The following CTIF variants were observed in gnomAD, a reference collection of about 807,000 sequenced individuals.
CTIF encodes the protein cap binding complex dependent translation initiation factor, also known as CBP80/20-dependent translation initiation factor.
In CTIF, 21 loss-of-function variants were observed where a neutral mutation model predicts 66.0. The ratio of observed to expected loss-of-function variants is 0.32; its 90% CI spans 0.23 to 0.46. The LOEUF is 0.46. CTIF is among the 20% of genes least tolerant of loss of function. The pLI, the probability that CTIF is intolerant of heterozygous loss-of-function variation, is 1.00. For synonymous variants in CTIF, 345 were observed against 326.4 expected, an observed-to-expected ratio of 1.06 and a Z score of -0.62; for missense variants, 739 against 812.7, an observed-to-expected ratio of 0.91 and a Z score of 1.10.
chr18:48,629,716 G>C (rs299713), intron 2 of CTIF, among the ~76,000 whole-genome samples: 38,961 of 151,658 alleles, frequency 0.26, 5,295 homozygotes, highest in African/African-American at 0.34. Context: ...TTTTTCCTGG[G>C]TCTTTGAATG....
intron 7 of CTIF, among the ~76,000 whole-genome samples, chr18:48,712,739 A>G (rs968168220): frequency 2.6e-5 from 4 of 152,162 alleles, no homozygotes; most frequent in Admixed American, 2.6e-4. Flanking sequence ...CTGGCTGGCC[A>G]CCTCCTTAGG....
intron 7 of CTIF, among the ~76,000 whole-genome samples, chr18:48,723,996 T>C (rs1256711592): frequency 1.3e-5 from 2 of 152,220 alleles, no homozygotes; most frequent in East Asian, 1.9e-4. Flanking sequence ...AGGCGATGCC[T>C]GTACTTAGCA....
intron 1 of CTIF, among the ~76,000 whole-genome samples, chr18:48,582,429 G>T (rs991614362): frequency 2.6e-5 from 4 of 152,244 alleles, no homozygotes; most frequent in Middle Eastern, 3.4e-3. Context: ...CTGGGAATGG[G>T]GTTGATTCTG....
At chr18:48,764,476 T>C (rs900247) in intron 9 of CTIF, among the ~76,000 whole-genome samples, 122,860 of 152,086 alleles carry the variant, frequency 0.81, 50,030 homozygotes, top group African/African-American at 0.91. Context: ...AGGGGCTGCA[T>C]AGTGCCTGGT....
At chr18:48,856,633 T>A (rs749212844) in intron 10 of CTIF, among the ~76,000 whole-genome samples, 1 of 152,186 alleles carries the variant, frequency 6.6e-6, no homozygotes, top group Non-Finnish European at 1.5e-5. Context: ...CTGAAAACAT[T>A]AAGTGAAAGA....
chr18:48,760,512 C>CT (rs34056575), intron 8 of CTIF: 37,732 of 152,034 alleles, frequency 0.25, 5,348 homozygotes, highest in African/African-American at 0.39. Flanking sequence ...TGGTCTGTGC[C>CT]TTCTAGGCCA....
At chr18:48,664,226 TCAGGCCCA>T (rs2144915252) in intron 4 of CTIF, among the ~76,000 whole-genome samples, 1 of 152,300 alleles carries the variant, frequency 6.6e-6, no homozygotes, top group South Asian at 2.1e-4. Flanking sequence ...GCAATGGGCA[TCAGGCCCA>T]CACTTGTTTC....
intron 10 of CTIF, among the ~76,000 whole-genome samples, chr18:48,838,082 A>G (rs1234869070): frequency 2.0e-5 from 3 of 150,070 alleles, no homozygotes; most frequent in East Asian, 1.9e-4. Flanking sequence ...TTTTTTTTCT[A>G]CTTTCCCCCA....
Position 48,655,663 on chromosome 18 carries a change from G to A in CTIF, c.253-8089G>A, listed in dbSNP as rs564682627. Among the ~76,000 whole-genome samples, 264 of 152,242 alleles carry A rather than the reference G, an allele frequency of 1.7e-3. 2 individuals are homozygous for A. In the East Asian group the frequency reaches 0.027, roughly 16 times the overall value. ...CAGTGACTGAGGGTGCACTGTATCAGGGGGTTTCCATTCAGGAGGCCGGGG... is the reference window on the plus strand; with the variant it reads ...CAGTGACTGAGGGTGCACTGTATCAAGGGGTTTCCATTCAGGAGGCCGGGG... On this transcript the variant is annotated intron_variant, in intron 3 of 11. Coordinates refer to ENST00000256413, the MANE Select transcript of CTIF (RefSeq NM_014772.3).
chr18:48,593,540 C>T (rs2089932334), intron 1 of CTIF, among the ~76,000 whole-genome samples: 1 of 151,744 alleles, frequency 6.6e-6, no homozygotes, highest in Non-Finnish European at 1.5e-5. Flanking sequence ...TGCCACAATG[C>T]CCGGCTAATT....
At position 48,726,401 on chromosome 18, in the gene CTIF, G is replaced by A. The variant is rs183306742; in HGVS notation, c.584+14706G>A. 1.3e-3 allele frequency among the ~76,000 whole-genome samples: 192 copies of A among 152,298 alleles called. 2 individuals carry two copies. The highest frequency in any genetic ancestry group is 4.5e-3 in the African/African-American group (185 of 41,562). Reference sequence around the variant, plus strand: ...TCCAAGGGTCAGGAATCCAGGAGCAGTTTAACAGGGTTGTCCTAGCTCAAA... The same window carrying A: ...TCCAAGGGTCAGGAATCCAGGAGCAATTTAACAGGGTTGTCCTAGCTCAAA... On this transcript the variant is annotated intron_variant, in intron 7 of 11. Transcript: ENST00000256413.
chr18:48,771,704 C>CA (rs1387229987), intron 9 of CTIF, among the ~76,000 whole-genome samples: 1 of 152,176 alleles, frequency 6.6e-6, no homozygotes, highest in Admixed American at 6.5e-5. Context: ...CCCAGAGGGT[C>CA]ACCCCTGGCT....
intron 1 of CTIF, among the ~76,000 whole-genome samples, chr18:48,604,813 C>T (rs1016606446): frequency 2.6e-5 from 4 of 152,168 alleles, no homozygotes; most frequent in Admixed American, 6.5e-5. Flanking sequence ...TGTAAGCAAA[C>T]ACCATTCTAC....
chr18:48,705,209 C>T (rs1025312245), intron 6 of CTIF, among the ~76,000 whole-genome samples: 5 of 152,166 alleles, frequency 3.3e-5, no homozygotes, highest in Admixed American at 6.5e-5. Context: ...AGGTGTTGGC[C>T]GGGCTGCGCT....
At chr18:48,718,340 A>AAG (rs774040740) in intron 7 of CTIF, among the ~76,000 whole-genome samples, 45 of 152,144 alleles carry the variant, frequency 3.0e-4, no homozygotes, top group Non-Finnish European at 2.5e-4. Flanking sequence ...TATTGAGAGG[A>AAG]AGAGAGAGAG....
intron 7 of CTIF, among the ~76,000 whole-genome samples, chr18:48,715,430 C>CA (rs2092270474): frequency 1.3e-5 from 2 of 152,328 alleles, no homozygotes; most frequent in African/African-American, 4.8e-5. Context: ...ACGCGTTCCT[C>CA]AAAGAGCAGC....
intron 3 of CTIF, among the ~76,000 whole-genome samples, chr18:48,653,512 G>A (rs1391613945): frequency 1.3e-5 from 2 of 152,188 alleles, no homozygotes; most frequent in Admixed American, 6.5e-5. Context: ...TATGCTCATG[G>A]ATAGGAAGAA....
chr18:48,569,684 C>T (rs1377530382), intron 1 of CTIF, among the ~76,000 whole-genome samples: 2 of 152,174 alleles, frequency 1.3e-5, no homozygotes, highest in Admixed American at 6.5e-5. Flanking sequence ...CTGAACCCTC[C>T]TCCTCCAAAG....
At chr18:48,666,675 A>T (rs1189655599) in intron 5 of CTIF, among the ~76,000 whole-genome samples, 1 of 151,872 alleles carries the variant, frequency 6.6e-6, no homozygotes, top group Non-Finnish European at 1.5e-5. Flanking sequence ...GAAGAGGGAG[A>T]GATGGCTTTG....
Sources: gnomAD v4.1 joint callset for allele counts (sites outside exome capture counted in the v4.1 genomes callset) on GRCh38, gnomAD v4.1.1 for gene constraint, MANE v1.5 for transcripts, NCBI Gene and HGNC (gene_info 2026-07-23, HGNC 2026-07-21) for gene names.